Variants in PPP3CA observed in about 807,000 individuals in gnomAD.
PPP3CA encodes the protein protein phosphatase 3 catalytic subunit alpha.
In PPP3CA, 14 loss-of-function variants were observed where a neutral mutation model predicts 66.5. The ratio of observed to expected loss-of-function variants is 0.21; its 90% CI spans 0.14 to 0.33. The LOEUF is 0.33. PPP3CA is among the 10% of genes least tolerant of loss of function. The pLI, the probability that PPP3CA is intolerant of heterozygous loss-of-function variation, is 1.00. For missense variants in PPP3CA, 317 were observed against 639.5 expected (o/e 0.50, Z 5.44); for synonymous variants, 232 against 226.2 (o/e 1.03, Z -0.23).
At chr4:101,320,861 T>C (rs1729021325) in intron 1 of PPP3CA, among the ~76,000 whole-genome samples, 1 of 152,054 alleles carries the variant, frequency 6.6e-6, no homozygotes, top group African/African-American at 2.4e-5. Flanking sequence ...CTGAGATCTT[T>C]GTGAAAAGAT....
chr4:101,173,306 G>T (rs1236777801), intron 2 of PPP3CA, among the ~76,000 whole-genome samples: 2 of 152,058 alleles, frequency 1.3e-5, no homozygotes, highest in Non-Finnish European at 2.9e-5. Context: ...TTGGCCTGTG[G>T]TAAGAGAGAG....
intron 1 of PPP3CA, among the ~76,000 whole-genome samples, chr4:101,319,192 C>T (rs1207658704): frequency 6.7e-6 from 1 of 148,650 alleles, no homozygotes; most frequent in Non-Finnish European, 1.5e-5. Flanking sequence ...AAAAGCCTGG[C>T]TTTAAAAAGG....
chr4:101,153,116 C>T (rs557991331), intron 2 of PPP3CA, among the ~76,000 whole-genome samples: 4 of 152,132 alleles, frequency 2.6e-5, no homozygotes, highest in African/African-American at 7.2e-5. Context: ...TCTGAGCATT[C>T]GGGGTGAAGT....
At chr4:101,064,188 T>A (rs1728588903) in intron 8 of PPP3CA, among the ~76,000 whole-genome samples, 2 of 151,968 alleles carry the variant, frequency 1.3e-5, no homozygotes, top group African/African-American at 4.8e-5. Context: ...ATGCTTCATG[T>A]CTCTGTGAGT....
Position 101,328,068 on chromosome 4 carries a change from A to T in PPP3CA, c.58+18671T>A, listed in dbSNP as rs544975798. ...CCCACATGCAGAGGTATTCACCATG[A>T]AGCAAGAGATGGTAAGAGGCCTCCG... On this transcript the variant is annotated intron_variant, in intron 1 of 13. Coordinates refer to ENST00000394854, the MANE Select transcript of PPP3CA (RefSeq NM_000944.5). Among the ~76,000 whole-genome samples the T allele has an allele frequency of 1.5e-3, 229 of 152,310 alleles. 1 individual carries two copies. The highest frequency in any genetic ancestry group is 5.2e-3 in the African/African-American group (217 of 41,570).
rs1343031006 is a variant in PPP3CA at position 101,025,856 on chromosome 4, A to G, written c.*9T>C. The G allele has an allele frequency of 1.6e-6, 2 of 1,236,226 alleles. No individual in the cohort carries two copies. The highest frequency in any genetic ancestry group is 2.2e-6 in the Non-Finnish European group (2 of 894,974). 76.6% of individuals were successfully genotyped at this position (1,236,226 alleles called of 1,614,324 possible). A position where few individuals can be genotyped will look rare whatever the true frequency, so the allele number is the denominator to read the frequency against. Reference sequence around the variant, plus strand: ...AAAAAAAAAAAAAAAAAAAGTGAACAGGAAGTGGTCACTGAATATTGCTGC... The same window carrying G: ...AAAAAAAAAAAAAAAAAAAGTGAACGGGAAGTGGTCACTGAATATTGCTGC... On this transcript the variant is annotated 3_prime_UTR_variant, in exon 14 of 14. Transcript: ENST00000394854.
intron 2 of PPP3CA, among the ~76,000 whole-genome samples, chr4:101,120,801 T>C (rs1722001817): frequency 6.6e-6 from 1 of 152,118 alleles, no homozygotes; most frequent in South Asian, 2.1e-4. Context: ...TGTTTACCTC[T>C]ATAAAACAAA....
intron 2 of PPP3CA, among the ~76,000 whole-genome samples, chr4:101,120,592 T>TTTTTTTTTTTTTTTTTTTTTTTTTG (rs1324057268): frequency 2.0e-5 from 3 of 151,568 alleles, no homozygotes; most frequent in Non-Finnish European, 4.4e-5. Context: ...CATTTACTTT[T>TTTTTTTTTTTTTTTTTTTTTTTTTG]ATAATGATGT....
intron 1 of PPP3CA, among the ~76,000 whole-genome samples, chr4:101,303,077 C>T (rs1487630673): frequency 6.6e-6 from 1 of 152,136 alleles, no homozygotes; most frequent in Non-Finnish European, 1.5e-5. Context: ...GAGATTCAAT[C>T]TCCACTGTGA....
intron 2 of PPP3CA, among the ~76,000 whole-genome samples, chr4:101,123,572 T>G (rs927203814): frequency 6.6e-6 from 1 of 152,188 alleles, no homozygotes; most frequent in African/African-American, 2.4e-5. Context: ...GGCTCACGCC[T>G]ATAATCCTAG....
intron 1 of PPP3CA, among the ~76,000 whole-genome samples, chr4:101,234,373 C>T (rs1360654312): frequency 6.6e-6 from 1 of 151,836 alleles, no homozygotes; most frequent in Admixed American, 6.6e-5. Flanking sequence ...GTTCCCTTTT[C>T]TCCACAACTT....
intron 2 of PPP3CA, chr4:101,171,324 G>A: frequency 5.7e-6 from 2 of 352,944 alleles, no homozygotes; most frequent in Non-Finnish European, 1.1e-5. Context: ...TGGTTCTGAT[G>A]CATACTCGTT....
chr4:101,300,571 G>A (rs528039545), intron 1 of PPP3CA, among the ~76,000 whole-genome samples: 2 of 152,258 alleles, frequency 1.3e-5, no homozygotes, highest in African/African-American at 4.8e-5. Context: ...GAGGCAGGTG[G>A]ATCACTTGAT....
At chr4:101,074,899 T>C (rs1238562176) in intron 8 of PPP3CA, among the ~76,000 whole-genome samples, 1 of 152,216 alleles carries the variant, frequency 6.6e-6, no homozygotes, top group African/African-American at 2.4e-5. Flanking sequence ...TACCTGAGAC[T>C]GGGTAATTTT....
intron 1 of PPP3CA, among the ~76,000 whole-genome samples, chr4:101,273,042 A>C (rs895123508): frequency 5.3e-5 from 8 of 152,216 alleles, no homozygotes; most frequent in African/African-American, 1.9e-4. Context: ...AAGTACTATA[A>C]GACCTTCAGA....
chr4:101,228,443 G>T (rs1023026500), intron 1 of PPP3CA, among the ~76,000 whole-genome samples: 4 of 151,428 alleles, frequency 2.6e-5, no homozygotes, highest in African/African-American at 9.7e-5. Flanking sequence ...CTTAGACATG[G>T]AAACTTAATA....
intron 1 of PPP3CA, among the ~76,000 whole-genome samples, chr4:101,328,010 G>A (rs577645190): frequency 4.8e-4 from 73 of 152,210 alleles, no homozygotes; most frequent in African/African-American, 1.7e-3. Flanking sequence ...AAGAAAATAT[G>A]AACCTAAGCT....
At chr4:101,063,510 T>A (rs571119404) in intron 8 of PPP3CA, among the ~76,000 whole-genome samples, 153 bp from the exon 9 acceptor site, 1 of 151,958 alleles carries the variant, frequency 6.6e-6, no homozygotes, top group African/African-American at 2.4e-5. Flanking sequence ...ATACAACTTA[T>A]GGACTTAAAC....
intron 2 of PPP3CA, among the ~76,000 whole-genome samples, chr4:101,180,053 C>G (rs770541494): frequency 6.6e-6 from 1 of 152,098 alleles, no homozygotes; most frequent in Non-Finnish European, 1.5e-5. Flanking sequence ...GATTAATGCA[C>G]CCAAAGTTAT....
Sources: gnomAD v4.1 joint callset for allele counts (sites outside exome capture counted in the v4.1 genomes callset) on GRCh38, gnomAD v4.1.1 for gene constraint, MANE v1.5 for transcripts, NCBI Gene and HGNC (gene_info 2026-07-23, HGNC 2026-07-21) for gene names.